HS3ST4: variants seen among roughly 807,000 people sequenced by gnomAD.
The protein encoded by HS3ST4 is heparan sulfate glucosamine 3-O-sulfotransferase 4.
Under a neutral mutation model 29.2 loss-of-function variants are expected in HS3ST4, and 17 were observed. That is an observed-to-expected ratio of 0.58 (90% CI 0.40 to 0.87). The LOEUF is 0.87. Among genes scored for constraint, HS3ST4 ranks in the 40% least tolerant of loss-of-function variants. HS3ST4 has a pLI of 0.00. For synonymous variants in HS3ST4, 314 were observed against 285.7 expected, an observed-to-expected ratio of 1.10 and a Z score of -1.00; for missense variants, 627 against 634.5, an observed-to-expected ratio of 0.99 and a Z score of 0.13.
chr16:25,707,753 G>C (rs1476289895), intron 1 of HS3ST4, among the ~76,000 whole-genome samples: 2 of 152,172 alleles, frequency 1.3e-5, no homozygotes, highest in Non-Finnish European at 2.9e-5. Flanking sequence ...TGCTGTACCT[G>C]AGAAGTCAAA....
chr16:25,865,743 A>G (rs1159433569), intron 1 of HS3ST4, among the ~76,000 whole-genome samples: 3 of 152,320 alleles, frequency 2.0e-5, no homozygotes, highest in South Asian at 2.1e-4. Flanking sequence ...TCTTCATTGC[A>G]TAATGTTGGG....
chr16:25,744,269 A>T (rs1452201795), intron 1 of HS3ST4, among the ~76,000 whole-genome samples: 3 of 152,212 alleles, frequency 2.0e-5, no homozygotes, highest in Admixed American at 2.0e-4. Context: ...TTTTAAATTC[A>T]GCCTGATTTC....
chr16:25,863,206 C>T (rs547181913), intron 1 of HS3ST4, among the ~76,000 whole-genome samples: 1 of 152,244 alleles, frequency 6.6e-6, no homozygotes, highest in Admixed American at 6.5e-5. Context: ...GCCTCAGCCT[C>T]CCGAGTAGCC....
chr16:25,784,154 T>G (rs906062829), intron 1 of HS3ST4, among the ~76,000 whole-genome samples: 8 of 152,170 alleles, frequency 5.3e-5, no homozygotes, highest in Non-Finnish European at 8.8e-5. Flanking sequence ...GACAGCAAAA[T>G]TAATCAATAA....
intron 1 of HS3ST4, among the ~76,000 whole-genome samples, chr16:26,129,385 C>T (rs769738438): frequency 2.0e-5 from 3 of 152,226 alleles, no homozygotes; most frequent in Non-Finnish European, 2.9e-5. Context: ...AGAGCTTGGG[C>T]TATGGTGTCA....
chr16:25,787,684 T>C (rs1006376604), intron 1 of HS3ST4, among the ~76,000 whole-genome samples: 6 of 152,150 alleles, frequency 3.9e-5, no homozygotes, highest in Non-Finnish European at 8.8e-5. Flanking sequence ...CACACCTTTG[T>C]GGGGCTGAGG....
At chr16:25,958,203 GC>G (rs1398518173) in intron 1 of HS3ST4, among the ~76,000 whole-genome samples, 1 of 152,192 alleles carries the variant, frequency 6.6e-6, no homozygotes, top group Non-Finnish European at 1.5e-5. Flanking sequence ...TTGTTATAAG[GC>G]AGATGCCATG....
chr16:25,802,925 ATATGTGTGTGTGTGTGTGTG>A lies in HS3ST4; in HGVS notation c.734+109776_734+109795del, dbSNP rs1213294787. 1.1e-4 allele frequency among the ~76,000 whole-genome samples: 15 copies of A among 131,448 alleles called. No homozygotes were observed. In the Admixed American group the frequency reaches 1.1e-3, roughly 10 times the overall value. The allele number at this position is 131,448 out of a possible 152,430, so 86.2% of individuals were successfully genotyped here. A position where few individuals can be genotyped will look rare whatever the true frequency, so the allele number is the denominator to read the frequency against. ...AGGAAGGTAGTAGCTTTTAAGTTAT[ATATGTGTGTGTGTGTGTGTG>A]TGTGTGTGTGTGTGTGTGTATATAT... On this transcript the variant is annotated intron_variant, in intron 1 of 1. Coordinates refer to ENST00000331351, the MANE Select transcript of HS3ST4 (RefSeq NM_006040.3).
intron 1 of HS3ST4, among the ~76,000 whole-genome samples, chr16:26,072,868 G>A (rs771942605): frequency 4.6e-5 from 7 of 152,184 alleles, no homozygotes; most frequent in African/African-American, 9.7e-5. Context: ...AGATCATTGA[G>A]TTTGGTGATT....
chr16:25,787,785 T>C (rs989257014), intron 1 of HS3ST4, among the ~76,000 whole-genome samples: 1 of 152,172 alleles, frequency 6.6e-6, no homozygotes, highest in African/African-American at 2.4e-5. Context: ...AAACAAAATA[T>C]TATGGAATAG....
At chr16:25,832,843 A>G (rs1967318200) in intron 1 of HS3ST4, among the ~76,000 whole-genome samples, 2 of 152,200 alleles carry the variant, frequency 1.3e-5, no homozygotes, top group South Asian at 4.1e-4. Flanking sequence ...TGATAGCACA[A>G]TTTGCAGCAA....
chr16:25,828,296 CTTTCCCTCTCTCTCT>C (rs1567249500), intron 1 of HS3ST4, among the ~76,000 whole-genome samples: 58 of 74,040 alleles, frequency 7.8e-4, no homozygotes, highest in South Asian at 1.8e-3. Context: ...TTCTTTCTTT[CTTTCCCTCTCTCTCT>C]CTCTCTCTCT....
chr16:25,896,974 A>G (rs555826355), intron 1 of HS3ST4, among the ~76,000 whole-genome samples: 1 of 152,146 alleles, frequency 6.6e-6, no homozygotes, highest in Non-Finnish European at 1.5e-5. Context: ...AAAGATGGGA[A>G]CAGTAGACAC....
chr16:25,763,104 C>T (rs1966798919), intron 1 of HS3ST4, among the ~76,000 whole-genome samples: 1 of 152,044 alleles, frequency 6.6e-6, no homozygotes, highest in South Asian at 2.1e-4. Flanking sequence ...CTGGCAGCTG[C>T]ACTATTTCCA....
chr16:26,078,449 G>C (rs1898691449), intron 1 of HS3ST4, among the ~76,000 whole-genome samples: 1 of 152,160 alleles, frequency 6.6e-6, no homozygotes, highest in Admixed American at 6.5e-5. Flanking sequence ...CACCCAGCCT[G>C]TTTGTGCTTT....
intron 1 of HS3ST4, among the ~76,000 whole-genome samples, chr16:26,133,492 A>G (rs1302689291): frequency 1.3e-5 from 2 of 152,184 alleles, no homozygotes; most frequent in East Asian, 1.9e-4. Context: ...AAGGCATTCA[A>G]ACTACTTTGG....
At chr16:25,767,467 G>C (rs1966827566) in intron 1 of HS3ST4, among the ~76,000 whole-genome samples, 1 of 152,106 alleles carries the variant, frequency 6.6e-6, no homozygotes. Flanking sequence ...CATGGGAGGT[G>C]GGGGGTGACA....
intron 1 of HS3ST4, among the ~76,000 whole-genome samples, chr16:25,732,617 A>T (rs1412155130): frequency 6.6e-6 from 1 of 152,214 alleles, no homozygotes; most frequent in Non-Finnish European, 1.5e-5. Flanking sequence ...GTATCAAAAA[A>T]AAGGAGTATC....
intron 1 of HS3ST4, among the ~76,000 whole-genome samples, chr16:25,828,242 C>CTCTTTCTTTCTTTCTT (rs1174433355): frequency 3.5e-4 from 26 of 75,026 alleles, no homozygotes; most frequent in South Asian, 1.7e-3. Context: ...TTCTTTCTTT[C>CTCTTTCTTTCTTTCTT]TCTTTCTTTC....
Sources: allele counts gnomAD v4.1 joint callset (sites outside exome capture counted in the v4.1 genomes callset), GRCh38; gene constraint gnomAD v4.1.1; transcripts MANE v1.5; gene names NCBI Gene and HGNC (gene_info 2026-07-23, HGNC 2026-07-21).